Variants in NDST4 observed in about 807,000 individuals in gnomAD.
The protein encoded by NDST4 is N-deacetylase and N-sulfotransferase 4, also known as N-heparan sulfate sulfotransferase 4.
NDST4 carries 63 observed loss-of-function variants against 100.8 expected under a neutral mutation model. The observed-to-expected ratio is 0.62, with a 90% confidence interval of 0.51 to 0.77. NDST4 has a LOEUF of 0.77. Ranked by LOEUF, NDST4 falls within the 30% of genes least tolerant of loss-of-function variation. The pLI is 0.00. For missense variants in NDST4, 943 were observed against 1,018.4 expected (o/e 0.93, Z 1.01); for synonymous variants, 377 against 361.8 (o/e 1.04, Z -0.48).
chr4:114,916,532 G>A (rs1462153173), intron 6 of NDST4, among the ~76,000 whole-genome samples: 2 of 138,650 alleles, frequency 1.4e-5, no homozygotes, highest in Non-Finnish European at 3.0e-5. Flanking sequence ...TGTCCTGGTA[G>A]GCTCTGTGTG....
At chr4:115,057,759 C>T (rs571174175) in intron 2 of NDST4, among the ~76,000 whole-genome samples, 16 of 146,630 alleles carry the variant, frequency 1.1e-4, no homozygotes, top group African/African-American at 4.1e-4. Context: ...CACACACACA[C>T]CAAAAAGGGC....
intron 4 of NDST4, among the ~76,000 whole-genome samples, chr4:114,954,226 T>C (rs1159440118): frequency 6.6e-6 from 1 of 152,166 alleles, no homozygotes; most frequent in Non-Finnish European, 1.5e-5. Flanking sequence ...GACTTAAAAA[T>C]ACTGTTTCAA....
chr4:115,095,228 A>G (rs780032448), intron 1 of NDST4, among the ~76,000 whole-genome samples: 20 of 151,756 alleles, frequency 1.3e-4, no homozygotes, highest in Non-Finnish European at 2.9e-4. Context: ...GACACTCAGC[A>G]CTCCAAGAAC....
intron 4 of NDST4, among the ~76,000 whole-genome samples, chr4:114,959,894 C>A (rs912399592): frequency 6.6e-6 from 1 of 152,114 alleles, no homozygotes; most frequent in African/African-American, 2.4e-5. Context: ...TTCCTAAAAA[C>A]TTTGCAAATT....
At chr4:115,087,531 G>A (rs1328964285) in intron 1 of NDST4, among the ~76,000 whole-genome samples, 4 of 151,662 alleles carry the variant, frequency 2.6e-5, no homozygotes, top group Admixed American at 2.6e-4. Flanking sequence ...CCTTGACAGT[G>A]GATGGTTTTA....
chr4:115,058,850 G>T (rs1411526226), intron 2 of NDST4, among the ~76,000 whole-genome samples: 2 of 151,946 alleles, frequency 1.3e-5, no homozygotes, highest in Non-Finnish European at 2.9e-5. Flanking sequence ...AGTAAGAAAA[G>T]CTTAGCATTA....
At chr4:114,958,682 G>A (rs963998853) in intron 4 of NDST4, among the ~76,000 whole-genome samples, 1 of 152,104 alleles carries the variant, frequency 6.6e-6, no homozygotes, top group Non-Finnish European at 1.5e-5. Flanking sequence ...TGTGATGGGA[G>A]GAGCTGCCAT....
chr4:115,097,694 G>GT (rs1366992069), intron 1 of NDST4, among the ~76,000 whole-genome samples: 1 of 152,058 alleles, frequency 6.6e-6, no homozygotes, highest in African/African-American at 2.4e-5. Context: ...ATTTTACAAT[G>GT]TAATTAAGGT....
intron 2 of NDST4, among the ~76,000 whole-genome samples, chr4:114,987,442 C>T (rs995317303): frequency 2.0e-5 from 3 of 152,082 alleles, no homozygotes; most frequent in Non-Finnish European, 4.4e-5. Context: ...GATTTGGTTA[C>T]CACTGTCAGA....
chr4:114,829,205 C>G (rs950102039), intron 13 of NDST4, among the ~76,000 whole-genome samples: 7 of 152,064 alleles, frequency 4.6e-5, no homozygotes, highest in African/African-American at 1.4e-4. Flanking sequence ...GTTTTCCAAG[C>G]CTGTTCTACC....
At chr4:114,939,060 G>A (rs1053245970) in intron 4 of NDST4, among the ~76,000 whole-genome samples, 1 of 152,196 alleles carries the variant, frequency 6.6e-6, no homozygotes, top group African/African-American at 2.4e-5. Flanking sequence ...AGAGAGGACA[G>A]GCAACAGTTG....
intron 7 of NDST4, among the ~76,000 whole-genome samples, chr4:114,859,836 A>G (rs894288974): frequency 1.3e-5 from 2 of 152,178 alleles, no homozygotes; most frequent in Non-Finnish European, 2.9e-5. Context: ...CCGTCTTTTC[A>G]GTTTCATAGT....
chr4:115,012,148 C>G (rs1485648617), intron 2 of NDST4, among the ~76,000 whole-genome samples: 1 of 151,828 alleles, frequency 6.6e-6, no homozygotes, highest in Non-Finnish European at 1.5e-5. Flanking sequence ...AAACAGGCAA[C>G]AATTGATTCC....
chr4:115,038,764 C>T (rs1358740961), intron 2 of NDST4, among the ~76,000 whole-genome samples: 1 of 152,172 alleles, frequency 6.6e-6, no homozygotes, highest in South Asian at 2.1e-4. Context: ...CCACTTGAGT[C>T]CAGGAGTTCA....
intron 2 of NDST4, among the ~76,000 whole-genome samples, chr4:115,059,745 G>A (rs1728779529): frequency 6.6e-6 from 1 of 151,962 alleles, no homozygotes; most frequent in South Asian, 2.1e-4. Flanking sequence ...AGCCTTAGAA[G>A]TAAGACAAGT....
rs1030186053 is a variant in NDST4, at chr4:115,007,834, A to G, written c.979-30560T>C. Among the ~76,000 whole-genome samples the G allele has an allele frequency of 3.9e-5, 5 of 129,692 alleles. 2 individuals carry two copies. In the East Asian group the frequency reaches 1.2e-3, roughly 32 times the overall value. 85.1% of individuals were successfully genotyped at this position (129,692 alleles called of 152,430 possible). On this transcript the variant is annotated intron_variant, in intron 2 of 13. Coordinates refer to ENST00000264363, the MANE Select transcript of NDST4 (RefSeq NM_022569.3). Reference sequence around the variant, plus strand: ...AAGAAATGTAACTGAGGCAAAGACCATCTGGCACAACTCCTCTCTGGGCTC... The same window carrying G: ...AAGAAATGTAACTGAGGCAAAGACCGTCTGGCACAACTCCTCTCTGGGCTC...
Position 114,879,138 on chromosome 4 carries a change from TC to T in NDST4, c.1537-8189del, listed in dbSNP as rs529978286. Among the ~76,000 whole-genome samples the T allele has an allele frequency of 5.5e-4, 84 of 152,276 alleles. 4 individuals carry two copies. The South Asian group carries it at 0.017, about 31-fold the overall frequency. ...TGATCAAATCAGGCTAATTAGCATA[TC>T]CATTACCTCAAATATTTACCTTTCT... On this transcript the variant is annotated intron_variant, in intron 6 of 13. Transcript: ENST00000264363.
intron 4 of NDST4, among the ~76,000 whole-genome samples, chr4:114,958,994 T>C (rs190260944): frequency 2.0e-5 from 3 of 152,172 alleles, no homozygotes; most frequent in Non-Finnish European, 4.4e-5. Flanking sequence ...CTAAATCATC[T>C]CTCTCAAGTT....
At chr4:114,966,112 G>T (rs1726375873) in intron 4 of NDST4, among the ~76,000 whole-genome samples, 1 of 151,966 alleles carries the variant, frequency 6.6e-6, no homozygotes, top group Non-Finnish European at 1.5e-5. Context: ...GGTTGACTAT[G>T]CTTGTCATTA....
Sources: allele counts gnomAD v4.1 joint callset (sites outside exome capture counted in the v4.1 genomes callset), GRCh38; gene constraint gnomAD v4.1.1; transcripts MANE v1.5; gene names NCBI Gene and HGNC (gene_info 2026-07-23, HGNC 2026-07-21).